JMJD1C: variants seen among roughly 807,000 people sequenced by gnomAD.
JMJD1C encodes jumonji domain-containing protein 1C.
Under a neutral mutation model 245.3 loss-of-function variants are expected in JMJD1C, and 31 were observed. That is an observed-to-expected ratio of 0.13 (90% confidence interval 0.09 to 0.17). JMJD1C has a LOEUF of 0.17. Ranked by LOEUF, JMJD1C falls within the 10% of genes least tolerant of loss-of-function variation. JMJD1C has a pLI of 1.00. For missense variants in JMJD1C, 2,691 were observed against 3,000.2 expected (o/e 0.90, Z 2.41); for synonymous variants, 1,057 against 1,017.4 (o/e 1.04, Z -0.74).
intron 1 of JMJD1C, among the ~76,000 whole-genome samples, chr10:63,476,566 T>A (rs1346997320): frequency 4.6e-5 from 7 of 151,666 alleles, no homozygotes; most frequent in Non-Finnish European, 1.0e-4. Flanking sequence ...CCACAAAAAA[T>A]TTTTAAAAAT....
chr10:63,341,741 C>T (rs1195806518), intron 2 of JMJD1C, among the ~76,000 whole-genome samples: 1 of 152,276 alleles, frequency 6.6e-6, no homozygotes, highest in African/African-American at 2.4e-5. Flanking sequence ...TACTTTCCCC[C>T]AAATGTGACT....
chr10:63,376,259 A>G (rs999885912), intron 2 of JMJD1C, among the ~76,000 whole-genome samples: 11 of 152,366 alleles, frequency 7.2e-5, no homozygotes, highest in Non-Finnish European at 1.5e-4. Flanking sequence ...GGACCCTTAC[A>G]TGATATTCCA....
intron 1 of JMJD1C, among the ~76,000 whole-genome samples, chr10:63,463,694 T>C (rs1308089217): frequency 6.6e-6 from 1 of 152,178 alleles, no homozygotes; most frequent in Admixed American, 6.5e-5. Flanking sequence ...ATAGGTATGG[T>C]TCAACATACA....
intron 2 of JMJD1C, 175 bp downstream of exon 2, chr10:63,380,143 T>C: frequency 1.9e-6 from 1 of 537,910 alleles, no homozygotes. Context: ...GGGGTCTCGC[T>C]TTTTTGCCCA....
intron 21 of JMJD1C, among the ~76,000 whole-genome samples, chr10:63,183,882 A>C (rs1270569649): frequency 6.6e-6 from 1 of 152,252 alleles, no homozygotes; most frequent in African/African-American, 2.4e-5. Flanking sequence ...CGATGGATTA[A>C]AGGAACAGAT....
At chr10:63,376,184 G>C (rs1186764687) in intron 2 of JMJD1C, among the ~76,000 whole-genome samples, 1 of 152,050 alleles carries the variant, frequency 6.6e-6, no homozygotes, top group Admixed American at 6.5e-5. Flanking sequence ...CATTCACTGG[G>C]GCAAAGGCAG....
chr10:63,319,255 T>TTA (rs1300567254), intron 2 of JMJD1C, among the ~76,000 whole-genome samples: 3 of 85,938 alleles, frequency 3.5e-5, no homozygotes, highest in Admixed American at 2.9e-4. Flanking sequence ...AGACTCCATC[T>TTA]AAAAAAAAAA....
intron 8 of JMJD1C, 94 bp from the exon 9 acceptor site, chr10:63,209,329 G>T: frequency 4.1e-6 from 4 of 968,888 alleles, no homozygotes; most frequent in South Asian, 3.0e-5. Flanking sequence ...TGATCTTGGT[G>T]GTTTATTAGT....
intron 2 of JMJD1C, among the ~76,000 whole-genome samples, chr10:63,347,508 CA>C (rs898907285): frequency 2.7e-5 from 4 of 149,466 alleles, no homozygotes; most frequent in Non-Finnish European, 5.9e-5. Flanking sequence ...TTGTTGAACC[CA>C]GCAGGTGGAA....
chr10:63,233,151 C>A (rs1850223851), intron 3 of JMJD1C, among the ~76,000 whole-genome samples: 1 of 152,140 alleles, frequency 6.6e-6, no homozygotes, highest in South Asian at 2.1e-4. Flanking sequence ...AAACACACTA[C>A]AATTTAATGG....
intron 3 of JMJD1C, among the ~76,000 whole-genome samples, chr10:63,258,538 C>T (rs1854278636): frequency 6.6e-6 from 1 of 152,288 alleles, no homozygotes; most frequent in African/African-American, 2.4e-5. Flanking sequence ...AGCTGACATT[C>T]TACTGTCCCC....
intron 1 of JMJD1C, among the ~76,000 whole-genome samples, chr10:63,458,146 G>A (rs901730756): frequency 3.9e-5 from 6 of 152,130 alleles, no homozygotes; most frequent in Admixed American, 6.6e-5. Context: ...CTAAAAGTAC[G>A]TAATCCCTAA....
At chr10:63,450,672 G>A (rs926277314) in intron 1 of JMJD1C, among the ~76,000 whole-genome samples, 2 of 152,070 alleles carry the variant, frequency 1.3e-5, no homozygotes, top group African/African-American at 4.8e-5. Context: ...GGAAAATACA[G>A]CATAATGAAG....
intron 1 of JMJD1C, among the ~76,000 whole-genome samples, chr10:63,422,496 T>G (rs7923544): frequency 0.42 from 63,988 of 152,042 alleles, 14,212 homozygotes; most frequent in South Asian, 0.53. Context: ...CACTTCTGCT[T>G]ACAAGATTTC....
chr10:63,486,169 CAAAA>C, intron 1 of JMJD1C, among the ~76,000 whole-genome samples: 1 of 36,564 alleles, frequency 2.7e-5, no homozygotes, highest in African/African-American at 6.9e-5. Flanking sequence ...AAAAAAAAAA[CAAAA>C]AACAGAAAAC....
chr10:63,298,302 A>G (rs997781441), intron 2 of JMJD1C, among the ~76,000 whole-genome samples: 3 of 152,204 alleles, frequency 2.0e-5, no homozygotes, highest in Non-Finnish European at 4.4e-5. Flanking sequence ...CACTGGTGCC[A>G]CTGGCCACAG....
intron 2 of JMJD1C, among the ~76,000 whole-genome samples, chr10:63,337,588 GAAAAGAAAAGAAAAGAA>G (rs1942917441): frequency 9.9e-6 from 1 of 101,502 alleles, no homozygotes; most frequent in South Asian, 3.1e-4. Flanking sequence ...GAAAAGAAAA[GAAAAGAAAAGAAAAGAA>G]AAGAAAAGAA....
intron 14 of JMJD1C, 73 bp downstream of exon 14, chr10:63,194,213 G>A: frequency 1.1e-6 from 1 of 909,062 alleles, no homozygotes; most frequent in Non-Finnish European, 1.9e-6. Context: ...TATATTTCTA[G>A]ATACTCCTTT....
At chr10:63,460,829 A>G (rs2719817) in intron 1 of JMJD1C, among the ~76,000 whole-genome samples, 149,227 of 152,252 alleles carry the variant, frequency 0.98, 73,187 homozygotes, top group Middle Eastern at 1. Context: ...ATCCCTATAC[A>G]AAGACGATAA....
Sources: gnomAD v4.1 joint callset for allele counts (sites outside exome capture counted in the v4.1 genomes callset) on GRCh38, gnomAD v4.1.1 for gene constraint, MANE v1.5 for transcripts, NCBI Gene and HGNC (gene_info 2026-07-23, HGNC 2026-07-21) for gene names.